The following RAMACL variants were observed in gnomAD, a reference collection of about 807,000 sequenced individuals.
The protein encoded by RAMACL is RNA guanine-7 methyltransferase activating subunit like.
Under a neutral mutation model 13.4 loss-of-function variants are expected in RAMACL, and 9 were observed. The observed-to-expected ratio is 0.67, with a 90% confidence interval of 0.41 to 1.17. RAMACL has a LOEUF of 1.17. Among genes scored for constraint, RAMACL ranks in the 50% most tolerant of loss-of-function variants. RAMACL has a pLI of 0.01. For synonymous variants in RAMACL, 39 were observed against 49.3 expected, an observed-to-expected ratio of 0.79 and a Z score of 0.88; for missense variants, 124 against 141.6, an observed-to-expected ratio of 0.88 and a Z score of 0.63.
At chr6:166,583,501 C>G (rs1315512424), downstream of RAMACL, among the ~76,000 whole-genome samples, 1 of 152,246 alleles carries the variant, frequency 6.6e-6, no homozygotes, top group Non-Finnish European at 1.5e-5. Context: ...CTTCTCTGAG[C>G]TCTGGCCAGG....
chr6:166,586,627 G>A lies in RAMACL; in HGVS notation c.-150C>T, dbSNP rs568676909. 660 of 680,268 alleles carry A rather than the reference G, an allele frequency of 9.7e-4. 15 individuals carry two copies. The South Asian group carries it at 0.012, about 12-fold the overall frequency. The allele number at this position is 680,268 out of a possible 1,614,324, so 42.1% of individuals were successfully genotyped here. A position where few individuals can be genotyped will look rare whatever the true frequency, so the allele number is the denominator to read the frequency against. On this transcript the variant is annotated 5_prime_UTR_variant, in exon 1 of 1. In the 5' UTR this introduces an upstream ATG that the reference lacks. Transcript: ENST00000444122. The stretch of plus-strand genomic sequence containing the variant: ...GAGGTGGCCTCTGGTCCACTACACC[G>A]TGGAACTCCAGACCACTCCAGTTCT...
chr6:166,583,293 C>T (rs1338704078), downstream of RAMACL, among the ~76,000 whole-genome samples: 1 of 152,192 alleles, frequency 6.6e-6, no homozygotes, highest in Admixed American at 6.5e-5. Flanking sequence ...GCACTCTGCA[C>T]CCTGTAGGAC....
chr6:166,586,449 T>C (rs1785177191), exon 1 of RAMACL: 1 of 1,599,520 alleles, frequency 6.3e-7, no homozygotes, highest in East Asian at 2.2e-5. Context: ...CTCTTCAAAA[T>C]TTGGAACAGC....
exon 1 of RAMACL, chr6:166,586,265 C>A: frequency 1.3e-6 from 2 of 1,597,170 alleles, no homozygotes; most frequent in South Asian, 1.1e-5. Flanking sequence ...TTGGCCACCC[C>A]CATCTGTTGT....
rs545891059 is a variant in RAMACL at position 166,586,533 on chromosome 6, A to C, written c.-56T>G. On this transcript the variant is annotated 5_prime_UTR_variant, in exon 1 of 1. In the 5' UTR this introduces an upstream ATG that the reference lacks. Transcript: ENST00000444122. ...TATTGCTTAATGTTTAGGTTGTTTA[A>C]ATCCGCCAAGGGCTATGTCTATCCA... 23 of 1,529,596 alleles carry C rather than the reference A, an allele frequency of 1.5e-5. No homozygotes were observed. The highest frequency in any genetic ancestry group is 6.9e-5 in the Admixed American group (4 of 57,786). 94.8% of individuals were successfully genotyped at this position (1,529,596 alleles called of 1,614,324 possible). A position where few individuals can be genotyped will look rare whatever the true frequency, so the allele number is the denominator to read the frequency against.
At chr6:166,583,933 C>T (rs1261630638), downstream of RAMACL, among the ~76,000 whole-genome samples, 1 of 152,190 alleles carries the variant, frequency 6.6e-6, no homozygotes, top group Non-Finnish European at 1.5e-5. Flanking sequence ...CATCACCTTA[C>T]CCCATAGTGA....
exon 1 of RAMACL, chr6:166,586,310 A>G (rs1785172558): frequency 6.3e-7 from 1 of 1,598,926 alleles, no homozygotes; most frequent in Non-Finnish European, 8.5e-7. Context: ...CTTGCAACCG[A>G]TTGCCTCTGT....
At chr6:166,583,974 G>A (rs139852129), downstream of RAMACL, among the ~76,000 whole-genome samples, 52 of 152,296 alleles carry the variant, frequency 3.4e-4, no homozygotes, top group South Asian at 7.9e-3. Flanking sequence ...ACAAAAAGGC[G>A]CATCTTAAAA....
chr6:166,584,063 C>T (rs1290914788), downstream of RAMACL, among the ~76,000 whole-genome samples: 1 of 152,198 alleles, frequency 6.6e-6, no homozygotes, highest in African/African-American at 2.4e-5. Context: ...GTGTTTTGCT[C>T]CTTTCTTAGT....
downstream of RAMACL, among the ~76,000 whole-genome samples, chr6:166,584,339 A>G (rs1293947329): frequency 1.3e-5 from 2 of 152,180 alleles, no homozygotes; most frequent in Non-Finnish European, 1.5e-5. Context: ...CTTCACCTTC[A>G]TTACTTCCTT....
exon 1 of RAMACL, chr6:166,586,389 A>G (rs1340455216): frequency 6.3e-7 from 1 of 1,599,826 alleles, no homozygotes; most frequent in East Asian, 2.2e-5. Flanking sequence ...AGGGCGTTTC[A>G]GGTATTCCTG....
downstream of RAMACL, among the ~76,000 whole-genome samples, chr6:166,584,226 T>C (rs537219197): frequency 3.3e-5 from 5 of 152,348 alleles, no homozygotes; most frequent in East Asian, 9.6e-4. Context: ...GGCAGCTGCT[T>C]CTTGCAGCGC....
chr6:166,586,427 A>G, exon 1 of RAMACL: 1 of 1,599,950 alleles, frequency 6.3e-7, no homozygotes, highest in Non-Finnish European at 8.5e-7. Flanking sequence ...CTGTGAATCT[A>G]CTAGCAAACA....
exon 1 of RAMACL, chr6:166,586,439 C>G: frequency 6.3e-7 from 1 of 1,599,866 alleles, no homozygotes; most frequent in Non-Finnish European, 8.5e-7. Context: ...TAGCAAACAT[C>G]TCTTCAAAAT....
exon 1 of RAMACL, chr6:166,586,156 C>T (rs1453696438): frequency 3.2e-6 from 5 of 1,555,942 alleles, no homozygotes; most frequent in Non-Finnish European, 3.4e-6. Flanking sequence ...TGGTTGTAAC[C>T]ATAATGTCCA....
At chr6:166,584,932 T>A (rs1785121936), downstream of RAMACL, among the ~76,000 whole-genome samples, 1 of 152,220 alleles carries the variant, frequency 6.6e-6, no homozygotes, top group Admixed American at 6.5e-5. Context: ...TATTTTAAGA[T>A]CCCGAGGGGG....
chr6:166,585,363 T>C (rs546283242), downstream of RAMACL, among the ~76,000 whole-genome samples: 3 of 152,318 alleles, frequency 2.0e-5, no homozygotes, highest in Non-Finnish European at 4.4e-5. Flanking sequence ...TATTGATTAG[T>C]TATGGTTCTC....
chr6:166,586,473 G>T, exon 1 of RAMACL: 1 of 1,597,628 alleles, frequency 6.3e-7, no homozygotes, highest in Non-Finnish European at 8.5e-7. Context: ...GGCAGTGTCA[G>T]TCATTCTGAA....
exon 1 of RAMACL, chr6:166,586,461 T>G: frequency 1.3e-6 from 2 of 1,598,670 alleles, no homozygotes; most frequent in South Asian, 2.2e-5. Context: ...TGGAACAGCT[T>G]CGGCAGTGTC....
Sources: gnomAD v4.1 joint callset for allele counts (sites outside exome capture counted in the v4.1 genomes callset) on GRCh38, gnomAD v4.1.1 for gene constraint, MANE v1.5 for transcripts, NCBI Gene and HGNC (gene_info 2026-07-23, HGNC 2026-07-21) for gene names.